Variants in ACOT7 observed in about 807,000 individuals in gnomAD.
ACOT7 encodes the protein acyl-CoA thioesterase 7.
A neutral mutation model predicts 40.2 loss-of-function variants in ACOT7; 12 were observed. The ratio of observed to expected loss-of-function variants is 0.30; its 90% confidence interval spans 0.19 to 0.48. The LOEUF (loss-of-function observed/expected upper bound fraction) is 0.48, where lower values mean the gene tolerates loss of function less well. Ranked by LOEUF, ACOT7 falls within the 20% of genes least tolerant of loss-of-function variation. ACOT7 has a pLI of 0.99. For missense variants in ACOT7, 395 were observed against 530.8 expected (o/e 0.74, Z 2.51); for synonymous variants, 228 against 219.5 (o/e 1.04, Z -0.34).
chr1:6,296,406 T>C (rs374446938), intron 6 of ACOT7, among the ~76,000 whole-genome samples: 9 of 151,822 alleles, frequency 5.9e-5, no homozygotes, highest in East Asian at 1.9e-4. Flanking sequence ...AACACATATA[T>C]TACAATTATT....
intron 1 of ACOT7, among the ~76,000 whole-genome samples, chr1:6,388,167 G>A (rs1226605718): frequency 6.6e-6 from 1 of 151,698 alleles, no homozygotes; most frequent in African/African-American, 2.4e-5. Flanking sequence ...GGAGTGCAGT[G>A]GCGGGATCTC....
intron 3 of ACOT7, among the ~76,000 whole-genome samples, chr1:6,335,480 G>A (rs1475394391): frequency 2.0e-5 from 3 of 152,016 alleles, no homozygotes; most frequent in Admixed American, 6.5e-5. Flanking sequence ...GCGACAGAGC[G>A]AGGCCCTGTC....
In ACOT7 at chr1:6,377,718, C is replaced by T. The variant is rs573400770; in HGVS notation, c.143+15539G>A. 5.9e-5 allele frequency among the ~76,000 whole-genome samples: 9 copies of T among 152,276 alleles called. No individual in the cohort carries two copies. The South Asian group carries it at 1.9e-3, about 32-fold the overall frequency. Reference sequence around the variant, plus strand: ...GCTGAGTTCTAAATACAAGCGACACCTGAGTGAACACAGCAACAAAACAGC... The same window carrying T: ...GCTGAGTTCTAAATACAAGCGACACTTGAGTGAACACAGCAACAAAACAGC... On this transcript the variant is annotated intron_variant, in intron 1 of 8. Coordinates refer to ENST00000361521, the MANE Select transcript of ACOT7 (RefSeq NM_007274.4).
At chr1:6,353,249 G>A (rs2148458939) in intron 1 of ACOT7, among the ~76,000 whole-genome samples, 1 of 152,158 alleles carries the variant, frequency 6.6e-6, no homozygotes, top group Middle Eastern at 3.4e-3. Flanking sequence ...AGCCTGGGAA[G>A]AGTACGTTGC....
At chr1:6,304,391 TTC>T (rs1463292950) in intron 6 of ACOT7, among the ~76,000 whole-genome samples, 1 of 135,264 alleles carries the variant, frequency 7.4e-6, no homozygotes, top group African/African-American at 3.0e-5. Context: ...GAAAAGTACG[TTC>T]TTTTTTTTTT....
chr1:6,277,639 A>C (rs1036481704), intron 8 of ACOT7, among the ~76,000 whole-genome samples: 1 of 152,054 alleles, frequency 6.6e-6, no homozygotes, highest in African/African-American at 2.4e-5. Flanking sequence ...CCTTCACCTG[A>C]ATGGTCCCCA....
chr1:6,285,744 C>T (rs1639483997), intron 7 of ACOT7, among the ~76,000 whole-genome samples: 1 of 151,908 alleles, frequency 6.6e-6, no homozygotes, highest in African/African-American at 2.4e-5. Flanking sequence ...GCCTGCAGAC[C>T]TGGCGTGTCA....
chr1:6,308,713 G>A (rs1019027458), intron 6 of ACOT7, among the ~76,000 whole-genome samples: 1 of 152,146 alleles, frequency 6.6e-6, no homozygotes, highest in Non-Finnish European at 1.5e-5. Flanking sequence ...ACAGGCAGAG[G>A]GAACCGCAAC....
rs796683506 is a variant in ACOT7 at position 6,304,393 on chromosome 1, C to T, written c.713-9413G>A. On this transcript the variant is annotated intron_variant, in intron 6 of 8. Coordinates refer to ENST00000361521, the MANE Select transcript of ACOT7 (RefSeq NM_007274.4). ...CCGTACACAGGTAGAAAAGTACGTTCTTTTTTTTTTTTTTTTTTTAATTGA... is the reference window on the plus strand; with the variant it reads ...CCGTACACAGGTAGAAAAGTACGTTTTTTTTTTTTTTTTTTTTTTAATTGA... Among the ~76,000 whole-genome samples the T allele has an allele frequency of 7.7e-3, 853 of 111,062 alleles. 15 individuals are homozygous for T. The highest frequency in any genetic ancestry group is 0.027 in the African/African-American group (758 of 28,348). 72.9% of individuals were successfully genotyped at this position (111,062 alleles called of 152,430 possible).
chr1:6,300,293 G>T (rs905309860), intron 6 of ACOT7, among the ~76,000 whole-genome samples: 1 of 152,164 alleles, frequency 6.6e-6, no homozygotes, highest in Non-Finnish European at 1.5e-5. Context: ...GCTGCTGGGG[G>T]CCGTGAGCTG....
intron 3 of ACOT7, among the ~76,000 whole-genome samples, chr1:6,336,918 A>G (rs1204006380): frequency 1.3e-5 from 2 of 152,204 alleles, no homozygotes; most frequent in African/African-American, 4.8e-5. Context: ...TCACAGAGTG[A>G]GACAACAGCG....
chr1:6,340,915 A>G (rs1308346974), intron 2 of ACOT7, among the ~76,000 whole-genome samples: 1 of 151,766 alleles, frequency 6.6e-6, no homozygotes, highest in Non-Finnish European at 1.5e-5. Context: ...GCACATCTGT[A>G]ATCCCAGCTA....
intron 1 of ACOT7, among the ~76,000 whole-genome samples, chr1:6,354,654 ACCCCCCGTGGCCGCTGCACTGGCCTCTAG>A (rs1641689337): frequency 3.1e-5 from 1 of 32,484 alleles, no homozygotes; most frequent in African/African-American, 1.2e-4. Context: ...CTGGCCTCTC[ACCCCCCGTGGCCGCTGCACTGGCCTCTAG>A]CCCCCCCATG....
At chr1:6,290,652 G>A (rs983590502) in intron 7 of ACOT7, among the ~76,000 whole-genome samples, 1 of 152,236 alleles carries the variant, frequency 6.6e-6, no homozygotes, top group African/African-American at 2.4e-5. Flanking sequence ...CTCGGTCTAT[G>A]CGACTATTTC....
chr1:6,269,467 C>A (rs573768375), intron 8 of ACOT7, among the ~76,000 whole-genome samples: 1 of 152,264 alleles, frequency 6.6e-6, no homozygotes, highest in Non-Finnish European at 1.5e-5. Flanking sequence ...ACCCCAGCGG[C>A]CACCAGGCCA....
At chr1:6,341,149 CT>C (rs200915838) in intron 2 of ACOT7, among the ~76,000 whole-genome samples, 6 of 148,368 alleles carry the variant, frequency 4.0e-5, no homozygotes, top group South Asian at 2.2e-4. Context: ...AATCACTATT[CT>C]TTTTTTTTTG....
In ACOT7 at chr1:6,286,270, G is replaced by A. The variant is rs536743648; in HGVS notation, c.830-4984C>T. ...CCAAGAACAGCATCTCCCACTGAGC[G>A]GGCGGATCAGTGCCCACCTAGGAGA... On this transcript the variant is annotated intron_variant, in intron 7 of 8. Coordinates refer to ENST00000361521, the MANE Select transcript of ACOT7 (RefSeq NM_007274.4). 4.6e-5 allele frequency among the ~76,000 whole-genome samples: 7 copies of A among 152,296 alleles called. No homozygotes were observed. In the South Asian group the frequency reaches 8.3e-4, roughly 18 times the overall value.
chr1:6,294,139 G>C lies in ACOT7; in HGVS notation c.829+725C>G, dbSNP rs757373029. On this transcript the variant is annotated intron_variant, in intron 7 of 8. Transcript: ENST00000361521. The surrounding 1 kb of genome is among the most constrained non-coding windows in gnomAD (Gnocchi z 4.6). ...CCTGACGATGCTGACACCACCCTCG[G>C]TCTGTGAGGCAGTGCTGCTGCAGGG... 3.0e-4 allele frequency among the ~76,000 whole-genome samples: 46 copies of C among 152,376 alleles called. No homozygotes were observed. The highest frequency in any genetic ancestry group is 3.8e-4 in the Non-Finnish European group (26 of 68,036).
chr1:6,268,352 G>A (rs1268783695), intron 8 of ACOT7, among the ~76,000 whole-genome samples: 5 of 152,302 alleles, frequency 3.3e-5, no homozygotes, highest in South Asian at 4.1e-4. Context: ...AACTACACAG[G>A]AATTCTTTCT....
Sources: gnomAD v4.1 joint callset for allele counts (sites outside exome capture counted in the v4.1 genomes callset) on GRCh38, gnomAD v4.1.1 for gene constraint, Gnocchi (gnomAD v3.1) non-coding constraint, MANE v1.5 for transcripts, NCBI Gene and HGNC (gene_info 2026-07-23, HGNC 2026-07-21) for gene names.